LUC7L2: variants seen among roughly 807,000 people sequenced by gnomAD.
LUC7L2 encodes the protein putative RNA-binding protein Luc7-like 2.
Under a neutral mutation model 52.8 loss-of-function variants are expected in LUC7L2, and 25 were observed. The observed-to-expected ratio is 0.47, with a 90% CI of 0.34 to 0.66. The LOEUF (loss-of-function observed/expected upper bound fraction) is 0.66, where lower values mean the gene tolerates loss of function less well. LUC7L2 is among the 30% of genes least tolerant of loss of function. LUC7L2 has a pLI of 0.01. For synonymous variants in LUC7L2, 144 were observed against 160.9 expected (o/e 0.89, Z 0.80); for missense variants, 328 against 497.8 (o/e 0.66, Z 3.25).
At chr7:139,350,389 A>T (rs144032303) in intron 1 of LUC7L2, among the ~76,000 whole-genome samples, 1 of 151,630 alleles carries the variant, frequency 6.6e-6, no homozygotes, top group Non-Finnish European at 1.5e-5. Context: ...CCAAAGTGCT[A>T]GGATTACAGG....
At position 139,399,685 on chromosome 7, in the gene LUC7L2, G is replaced by A. The variant is rs577608397; in HGVS notation, c.255+988G>A. 3.3e-5 allele frequency among the ~76,000 whole-genome samples: 5 copies of A among 151,926 alleles called. No individual in the cohort carries two copies. The East Asian group carries it at 9.7e-4, about 30-fold the overall frequency. On this transcript the variant is annotated intron_variant, in intron 3 of 9. Transcript: ENST00000354926. The stretch of plus-strand genomic sequence containing the variant: ...AGGGTTTCACCGTGTTAGCTAGGAT[G>A]GTCTTGATCTCCTGACCGCGTGATC...
At chr7:139,364,272 A>C (rs1303932025) in intron 1 of LUC7L2, among the ~76,000 whole-genome samples, 1 of 152,062 alleles carries the variant, frequency 6.6e-6, no homozygotes, top group Non-Finnish European at 1.5e-5. Flanking sequence ...AAATTAGGTA[A>C]GTTATAGAAG....
chr7:139,366,652 A>G (rs923511045), intron 1 of LUC7L2, among the ~76,000 whole-genome samples: 3 of 152,230 alleles, frequency 2.0e-5, no homozygotes, highest in Non-Finnish European at 4.4e-5. Context: ...AATGGTTGCA[A>G]CAGAGTCATA....
intron 3 of LUC7L2, among the ~76,000 whole-genome samples, chr7:139,399,188 G>A (rs1794787843): frequency 1.3e-5 from 2 of 152,122 alleles, no homozygotes; most frequent in East Asian, 3.9e-4. Flanking sequence ...CATCCGTACT[G>A]AACATGTACA....
chr7:139,407,000 G>GTTTTTTT lies in LUC7L2; in HGVS notation c.511-174_511-173insTTTTTTT, dbSNP rs779013466. 7.4e-3 allele frequency among the ~76,000 whole-genome samples: 822 copies of GTTTTTTT among 111,476 alleles called. 81 individuals carry two copies. Among genetic ancestry groups the GTTTTTTT allele is most frequent in the African/African-American group, 0.022 (572 of 26,554 alleles). The allele number at this position is 111,476 out of a possible 152,430, so 73.1% of individuals were successfully genotyped here. A position where few individuals can be genotyped will look rare whatever the true frequency, so the allele number is the denominator to read the frequency against. On this transcript the variant is annotated intron_variant, in intron 5 of 9. Transcript: ENST00000354926. ...CATAACAAAATAGCCATGCTTTTGT[G>GTTTTTTT]GTTTTTTTTTTTTTTTTTTTTTGAG...
intron 9 of LUC7L2, among the ~76,000 whole-genome samples, chr7:139,420,150 G>A (rs1335300671): frequency 6.6e-6 from 1 of 152,134 alleles, no homozygotes; most frequent in African/African-American, 2.4e-5. Flanking sequence ...GTTCAAACAT[G>A]TTTAGTGCAG....
At chr7:139,370,005 T>C (rs926961370) in intron 1 of LUC7L2, among the ~76,000 whole-genome samples, 4 of 152,248 alleles carry the variant, frequency 2.6e-5, no homozygotes, top group South Asian at 2.1e-4. Flanking sequence ...AATTGTTTTT[T>C]CCCGTTGCCA....
At chr7:139,346,937 A>G (rs576038369) in intron 1 of LUC7L2, among the ~76,000 whole-genome samples, 4 of 152,322 alleles carry the variant, frequency 2.6e-5, no homozygotes, top group African/African-American at 7.2e-5. Context: ...CAGTAGCTCT[A>G]ATAACCTTCT....
At chr7:139,361,806 C>T (rs1315777469) in intron 1 of LUC7L2, among the ~76,000 whole-genome samples, 1 of 152,120 alleles carries the variant, frequency 6.6e-6, no homozygotes, top group Non-Finnish European at 1.5e-5. Context: ...TCATTGGATC[C>T]TAGCTAACAG....
intron 1 of LUC7L2, among the ~76,000 whole-genome samples, chr7:139,343,155 A>G (rs1229940093): frequency 1.3e-5 from 2 of 152,192 alleles, no homozygotes; most frequent in African/African-American, 2.4e-5. Flanking sequence ...ATTCTATCCT[A>G]CATTAACCTA....
intron 9 of LUC7L2, among the ~76,000 whole-genome samples, chr7:139,420,149 T>C (rs1287500160): frequency 6.6e-6 from 1 of 152,220 alleles, no homozygotes; most frequent in Non-Finnish European, 1.5e-5. Context: ...TGTTCAAACA[T>C]GTTTAGTGCA....
At chr7:139,362,387 TC>T (rs1366224299) in intron 1 of LUC7L2, among the ~76,000 whole-genome samples, 1 of 152,186 alleles carries the variant, frequency 6.6e-6, no homozygotes, top group Non-Finnish European at 1.5e-5. Context: ...TTAGGATTGT[TC>T]TTTTTTAGCA....
intron 5 of LUC7L2, among the ~76,000 whole-genome samples, chr7:139,406,415 C>T (rs1023161392): frequency 6.9e-6 from 1 of 145,884 alleles, no homozygotes; most frequent in Admixed American, 6.9e-5. Flanking sequence ...TGTAGTGGTG[C>T]GATCTCAGCT....
rs572456331 is a variant in LUC7L2 at position 139,373,827 on chromosome 7, A to G, written c.62-2235A>G. ...GCCTGAGCCATTAGTTTAACAAAGCACTGAAATGATTCTGCTGTTGCCATT... is the reference window on the plus strand; with the variant it reads ...GCCTGAGCCATTAGTTTAACAAAGCGCTGAAATGATTCTGCTGTTGCCATT... On this transcript the variant is annotated intron_variant, in intron 1 of 9. Transcript: ENST00000354926. Among the ~76,000 whole-genome samples the G allele has an allele frequency of 2.6e-5, 4 of 152,352 alleles. No individual in the cohort carries two copies. In the South Asian group the frequency reaches 8.3e-4, roughly 32 times the overall value.
At chr7:139,379,291 C>T (rs1800865440) in intron 2 of LUC7L2, among the ~76,000 whole-genome samples, 1 of 151,890 alleles carries the variant, frequency 6.6e-6, no homozygotes, top group African/African-American at 2.4e-5. Flanking sequence ...TGCCTGAACT[C>T]AGGATTTCAA....
chr7:139,350,877 T>C (rs901396526), intron 1 of LUC7L2, among the ~76,000 whole-genome samples: 1 of 152,100 alleles, frequency 6.6e-6, no homozygotes, highest in East Asian at 1.9e-4. Context: ...GGTTTCACCA[T>C]GTTGGCCAGG....
At chr7:139,368,989 C>CT (rs995436271) in intron 1 of LUC7L2, among the ~76,000 whole-genome samples, 31 of 151,406 alleles carry the variant, frequency 2.0e-4, no homozygotes, top group South Asian at 8.3e-4. Flanking sequence ...ATATTTTCAT[C>CT]TTTTTTTTTC....
intron 2 of LUC7L2, among the ~76,000 whole-genome samples, chr7:139,381,953 C>T (rs984045457): frequency 1.1e-4 from 16 of 142,392 alleles, no homozygotes; most frequent in African/African-American, 3.6e-4. Flanking sequence ...GGCACGGTCT[C>T]GGCTCACTGC....
Position 139,374,628 on chromosome 7 carries a change from G to A in LUC7L2, c.62-1434G>A, listed in dbSNP as rs988510916. 29 of 1,451,100 alleles carry A rather than the reference G, an allele frequency of 2.0e-5. No homozygotes were observed. The South Asian group carries it at 3.3e-4, about 17-fold the overall frequency. The allele number at this position is 1,451,100 out of a possible 1,614,324, so 89.9% of individuals were successfully genotyped here. ...ATTGTGTCAAAAATAACCTACTAGA[G>A]ACGAGCTTCTAGAAAACCTATTGTT... On this transcript the variant is annotated intron_variant, in intron 1 of 9. Transcript: ENST00000354926.
Sources: gnomAD v4.1 joint callset for allele counts (sites outside exome capture counted in the v4.1 genomes callset) on GRCh38, gnomAD v4.1.1 for gene constraint, MANE v1.5 for transcripts, NCBI Gene and HGNC (gene_info 2026-07-23, HGNC 2026-07-21) for gene names.